The following GAS2L3 variants were observed in gnomAD, a reference collection of about 807,000 sequenced individuals.
The protein encoded by GAS2L3 is growth arrest specific 2 like 3.
A neutral mutation model predicts 37.0 loss-of-function variants in GAS2L3; 28 were observed. The observed-to-expected ratio is 0.76, with a 90% CI of 0.56 to 1.04. The LOEUF is 1.04. Among genes scored for constraint, GAS2L3 ranks in the 50% least tolerant of loss-of-function variants. GAS2L3 has a pLI of 0.00. For synonymous variants in GAS2L3, 290 were observed against 296.6 expected, an observed-to-expected ratio of 0.98 and a Z score of 0.23; for missense variants, 793 against 817.6, an observed-to-expected ratio of 0.97 and a Z score of 0.37.
Position 100,600,431 on chromosome 12 carries a change from C to A in GAS2L3, c.68C>A (p.Pro23His), listed in dbSNP as rs377444480. ...CTAAGTCCTCGGAGTCCTCTGACTC[C>A]CAGACACGGACCAGGATTGGCTAAT... ...LPLSPRSPLT[P>H]RHGPGLANVC... is the part of the protein sequence containing the mutation. Residue 23 changes from proline to histidine, a missense_variant, in exon 4 of 10, where the codon CCC becomes CAC. Physicochemically the swap from Pro to His is moderately conservative, Grantham distance 77. Transcript: ENST00000547754. 1.2e-5 allele frequency: 19 copies of A among 1,611,830 alleles called. No individual in the cohort carries two copies. Among genetic ancestry groups the A allele is most frequent in the Non-Finnish European group, 1.5e-5 (18 of 1,178,982 alleles).
intron 1 of GAS2L3, chr12:100,579,142 C>A: frequency 1.4e-6 from 1 of 691,598 alleles, no homozygotes; most frequent in Non-Finnish European, 2.7e-6. Flanking sequence ...CATTTTCTGC[C>A]ATGGCCCATG....
intron 1 of GAS2L3, among the ~76,000 whole-genome samples, chr12:100,578,075 A>G (rs577890159): frequency 2.0e-5 from 3 of 152,248 alleles, no homozygotes; most frequent in Non-Finnish European, 4.4e-5. Flanking sequence ...TGAAAAAATC[A>G]TTCTGGCTGT....
intron 3 of GAS2L3, among the ~76,000 whole-genome samples, chr12:100,597,389 G>T (rs1479198332): frequency 6.6e-6 from 1 of 151,992 alleles, no homozygotes; most frequent in Non-Finnish European, 1.5e-5. Context: ...TGAGTCTCAG[G>T]ATTATAATAG....
At chr12:100,610,019 T>G (rs1030363992) in intron 5 of GAS2L3, among the ~76,000 whole-genome samples, 4 of 152,202 alleles carry the variant, frequency 2.6e-5, no homozygotes, top group Admixed American at 6.5e-5. Flanking sequence ...ATTTGATTTT[T>G]TATTCTTGTA....
chr12:100,589,622 A>G (rs1955821863), intron 1 of GAS2L3, among the ~76,000 whole-genome samples: 3 of 152,152 alleles, frequency 2.0e-5, no homozygotes, highest in Non-Finnish European at 4.4e-5. Context: ...CCAAAGCAAG[A>G]CTAATCAAAA....
Position 100,598,408 on chromosome 12 carries a change from T to G in GAS2L3, c.19-1974T>G, listed in dbSNP as rs141865618. Among the ~76,000 whole-genome samples the G allele has an allele frequency of 2.7e-3, 418 of 152,296 alleles. 2 individuals are homozygous for G. The highest frequency in any genetic ancestry group is 9.5e-3 in the African/African-American group (394 of 41,574). ...GCTTGATGTTTTTTCATGACTAAACTCAGGTTATGCATCTTGGGCAGGAAT... is the reference window on the plus strand; with the variant it reads ...GCTTGATGTTTTTTCATGACTAAACGCAGGTTATGCATCTTGGGCAGGAAT... On this transcript the variant is annotated intron_variant, in intron 3 of 9. Coordinates refer to ENST00000547754, the MANE Select transcript of GAS2L3 (RefSeq NM_174942.3).
In GAS2L3 at chr12:100,584,040, C is replaced by G. The variant is rs75269366; in HGVS notation, c.-151-7696C>G. 6.8e-3 allele frequency among the ~76,000 whole-genome samples: 1,038 copies of G among 152,292 alleles called. 4 individuals are homozygous for G. The highest frequency in any genetic ancestry group is 0.011 in the Non-Finnish European group (767 of 68,020). The stretch of plus-strand genomic sequence containing the variant: ...AAACATTGTGGAGAAGGGAGACAAT[C>G]AGTTTTTCCTAGGGGTTTTCACATT... On this transcript the variant is annotated intron_variant, in intron 1 of 9. Transcript: ENST00000547754.
chr12:100,603,854 C>T (rs550799807), intron 5 of GAS2L3, among the ~76,000 whole-genome samples: 2 of 152,000 alleles, frequency 1.3e-5, no homozygotes, highest in African/African-American at 4.8e-5. Context: ...ATGTGAATAC[C>T]CAGTTTTCCC....
At chr12:100,594,845 C>G in intron 2 of GAS2L3, 30 bp from the exon 3 acceptor site, 1 of 847,660 alleles carries the variant, frequency 1.2e-6, no homozygotes, top group South Asian at 2.4e-5. Context: ...CCACTGTTAA[C>G]TGTATGTTAA....
rs573446304 is a variant in GAS2L3 at position 100,627,396 on chromosome 12, T to C, written c.*2506T>C. 2.6e-5 allele frequency: 4 copies of C among 152,238 alleles called. No individual in the cohort carries two copies. The highest frequency in any genetic ancestry group is 2.6e-4 in the Admixed American group (4 of 15,270). 9.4% of individuals were successfully genotyped at this position (152,238 alleles called of 1,614,324 possible). On this transcript the variant is annotated 3_prime_UTR_variant, in exon 10 of 10. Transcript: ENST00000547754. ...TTCAAGTGATTCTGCTGCCTCAGCC[T>C]CCTGAGTGGTTGGGATTACAGGCAT...
intron 4 of GAS2L3, among the ~76,000 whole-genome samples, chr12:100,601,190 A>G (rs953417296): frequency 5.3e-5 from 8 of 152,184 alleles, no homozygotes; most frequent in Admixed American, 2.6e-4. Context: ...GTAGTTGTCT[A>G]TTATCAGTTT....
intron 1 of GAS2L3, among the ~76,000 whole-genome samples, chr12:100,584,420 C>A (rs1270153209): frequency 2.0e-5 from 3 of 152,144 alleles, no homozygotes; most frequent in Non-Finnish European, 4.4e-5. Context: ...TGTTCTTAGA[C>A]CCTTGTCACT....
In GAS2L3 at chr12:100,618,308, A is replaced by T. The variant is rs1718763550; in HGVS notation, c.510-141A>T. On this transcript the variant is annotated intron_variant, in intron 7 of 9. Coordinates refer to ENST00000547754, the MANE Select transcript of GAS2L3 (RefSeq NM_174942.3). The stretch of plus-strand genomic sequence containing the variant: ...TTTTACAATCTGTGAGACATTAAAA[A>T]GCATTTTCAAATATCCCAGTGAAAC... 2 of 789,904 alleles carry T rather than the reference A, an allele frequency of 2.5e-6. 1 individual carries two copies. Among genetic ancestry groups the T allele is most frequent in the Non-Finnish European group, 3.9e-6 (2 of 511,102 alleles). 48.9% of individuals were successfully genotyped at this position (789,904 alleles called of 1,614,324 possible). A position where few individuals can be genotyped will look rare whatever the true frequency, so the allele number is the denominator to read the frequency against.
At chr12:100,609,143 G>C (rs1254399833) in intron 5 of GAS2L3, among the ~76,000 whole-genome samples, 1 of 152,166 alleles carries the variant, frequency 6.6e-6, no homozygotes, top group Non-Finnish European at 1.5e-5. Flanking sequence ...GAGCTTGCTT[G>C]GTGCTCTACT....
In GAS2L3 at chr12:100,578,826, G is replaced by A. The variant is rs550350512; in HGVS notation, c.-152+5041G>A. On this transcript the variant is annotated intron_variant, in intron 1 of 9. Transcript: ENST00000547754. ...GTTAGCCCTGGAAGTCTTTACACAC[G>A]TAGAACCCATACCCATAATATATGT... is the stretch of plus-strand genomic sequence containing the variant. The A allele has an allele frequency of 2.0e-4, 139 of 678,168 alleles. 1 individual carries two copies. In the African/African-American group the frequency reaches 2.2e-3, roughly 11 times the overall value. 42.0% of individuals were successfully genotyped at this position (678,168 alleles called of 1,614,324 possible).
At chr12:100,578,994 C>G (rs750229985) in intron 1 of GAS2L3, 54 of 865,484 alleles carry the variant, frequency 6.2e-5, no homozygotes, top group Non-Finnish European at 9.8e-5. Context: ...CGTTACCTCA[C>G]TAATGACCTC....
intron 5 of GAS2L3, among the ~76,000 whole-genome samples, chr12:100,610,245 G>T (rs1391006142): frequency 6.6e-6 from 1 of 152,158 alleles, no homozygotes; most frequent in Non-Finnish European, 1.5e-5. Context: ...TATCAACAGA[G>T]AAATTGTTAA....
Position 100,624,905 on chromosome 12 carries a change from TAAAA to T in GAS2L3, c.*19_*22del, listed in dbSNP as rs762640768. 3.3e-6 allele frequency: 5 copies of T among 1,511,918 alleles called. No homozygotes were observed. The highest frequency in any genetic ancestry group is 4.5e-6 in the Non-Finnish European group (5 of 1,113,442). 93.7% of individuals were successfully genotyped at this position (1,511,918 alleles called of 1,614,324 possible). On this transcript the variant is annotated 3_prime_UTR_variant, in exon 10 of 10. Coordinates refer to ENST00000547754, the MANE Select transcript of GAS2L3 (RefSeq NM_174942.3). Reference sequence around the variant, plus strand: ...CTAGAAAATAAATACATACTCATTATAAAAAAAGAGAAAAGGAAGAATGAATGTG... The same window carrying T: ...CTAGAAAATAAATACATACTCATTATAAAGAGAAAAGGAAGAATGAATGTG...
rs144110766 is a variant in GAS2L3, at chr12:100,609,096, T to C, written c.304-2904T>C. Among the ~76,000 whole-genome samples the C allele has an allele frequency of 3.2e-4, 49 of 152,170 alleles. 1 individual carries two copies. In the East Asian group the frequency reaches 9.4e-3, roughly 29 times the overall value. On this transcript the variant is annotated intron_variant, in intron 5 of 9. Coordinates refer to ENST00000547754, the MANE Select transcript of GAS2L3 (RefSeq NM_174942.3). Reference sequence around the variant, plus strand: ...TGGCCCAGGCCAGTTCCAGAAATGCTGACCAAGAGCCTAGGCCTGAAGCTG... The same window carrying C: ...TGGCCCAGGCCAGTTCCAGAAATGCCGACCAAGAGCCTAGGCCTGAAGCTG...
Sources: gnomAD v4.1 joint callset for allele counts (sites outside exome capture counted in the v4.1 genomes callset) on GRCh38, gnomAD v4.1.1 for gene constraint, MANE v1.5 for transcripts, NCBI Gene and HGNC (gene_info 2026-07-23, HGNC 2026-07-21) for gene names.